The following DPP10 variants were observed in gnomAD, a reference collection of about 807,000 sequenced individuals.
DPP10 encodes the protein dipeptidyl peptidase like 10.
In DPP10, 33 loss-of-function variants were observed where a neutral mutation model predicts 120.9. The ratio of observed to expected loss-of-function variants is 0.27; its 90% CI spans 0.21 to 0.37. The LOEUF is 0.37. Ranked by LOEUF, DPP10 falls within the 10% of genes least tolerant of loss-of-function variation. The probability of loss-of-function intolerance (pLI) is 1.00; values close to 1 mark genes in which losing one functional copy is unlikely to be tolerated. For missense variants in DPP10, 816 were observed against 942.8 expected (o/e 0.87, Z 1.76); for synonymous variants, 337 against 326.1 (o/e 1.03, Z -0.36).
chr2:115,564,086 C>G (rs1358611095), intron 5 of DPP10, among the ~76,000 whole-genome samples: 3 of 152,070 alleles, frequency 2.0e-5, no homozygotes, highest in African/African-American at 4.8e-5. Flanking sequence ...CTTTTAATTA[C>G]TTTTACAGAG....
At chr2:115,179,096 A>G (rs2053900123) in intron 1 of DPP10, among the ~76,000 whole-genome samples, 1 of 152,230 alleles carries the variant, frequency 6.6e-6, no homozygotes. Flanking sequence ...TGCAGATTTT[A>G]ATAAGTTGAA....
chr2:114,674,248 C>T (rs933353910), intron 1 of DPP10, among the ~76,000 whole-genome samples: 1 of 151,728 alleles, frequency 6.6e-6, no homozygotes, highest in African/African-American at 2.4e-5. Flanking sequence ...ATAATATATA[C>T]ATATATATCC....
At chr2:114,907,391 G>A (rs1010220063) in intron 1 of DPP10, among the ~76,000 whole-genome samples, 27 of 151,856 alleles carry the variant, frequency 1.8e-4, no homozygotes, top group African/African-American at 6.5e-4. Flanking sequence ...GAAAAATAAC[G>A]CTATTTAGTT....
intron 1 of DPP10, among the ~76,000 whole-genome samples, chr2:115,015,610 T>C (rs1219453020): frequency 6.6e-6 from 1 of 152,176 alleles, no homozygotes; most frequent in East Asian, 1.9e-4. Flanking sequence ...CCCCATCATC[T>C]CAGCCCAAAA....
intron 1 of DPP10, among the ~76,000 whole-genome samples, chr2:115,302,131 G>T (rs369016506): frequency 1.3e-5 from 2 of 151,872 alleles, no homozygotes; most frequent in South Asian, 4.2e-4. Flanking sequence ...GTGAGTGAAG[G>T]GGGAAGTGCC....
intron 5 of DPP10, among the ~76,000 whole-genome samples, chr2:115,566,897 C>A (rs2081040505): frequency 6.6e-6 from 1 of 152,106 alleles, no homozygotes; most frequent in Admixed American, 6.6e-5. Context: ...ATTTTGCCAT[C>A]ATCCTTTCTG....
chr2:114,450,469 C>G (rs1678200187), intron 1 of DPP10, among the ~76,000 whole-genome samples: 1 of 151,660 alleles, frequency 6.6e-6, no homozygotes, highest in Non-Finnish European at 1.5e-5. Context: ...ATCCTAATAT[C>G]TGCCACATAG....
chr2:114,989,253 G>A (rs1212119544), intron 1 of DPP10, among the ~76,000 whole-genome samples: 1 of 152,134 alleles, frequency 6.6e-6, no homozygotes, highest in African/African-American at 2.4e-5. Flanking sequence ...ATTGTCATCA[G>A]GGGTCTATGC....
At chr2:115,593,922 AC>A (rs1425905912) in intron 5 of DPP10, among the ~76,000 whole-genome samples, 1 of 152,040 alleles carries the variant, frequency 6.6e-6, no homozygotes, top group African/African-American at 2.4e-5. Flanking sequence ...ACTTTTAAAA[AC>A]CTTTCAAGCC....
intron 1 of DPP10, among the ~76,000 whole-genome samples, chr2:114,741,272 A>C (rs1168847100): frequency 6.6e-6 from 1 of 152,202 alleles, no homozygotes; most frequent in Non-Finnish European, 1.5e-5. Flanking sequence ...TCTGCCTATC[A>C]GAAGAAAGAT....
chr2:115,137,882 C>T (rs1221904988), intron 1 of DPP10, among the ~76,000 whole-genome samples: 6 of 152,162 alleles, frequency 3.9e-5, no homozygotes, highest in African/African-American at 1.4e-4. Flanking sequence ...GAGACTTAGG[C>T]TGCCAGTATT....
intron 1 of DPP10, among the ~76,000 whole-genome samples, chr2:114,733,666 CCCTT>C (rs1187178920): frequency 1.3e-5 from 2 of 151,972 alleles, no homozygotes; most frequent in Non-Finnish European, 2.9e-5. Context: ...GCATTCTGAC[CCCTT>C]CCTTTATGTT....
chr2:115,612,574 G>T (rs1205268100), intron 5 of DPP10, among the ~76,000 whole-genome samples: 3 of 152,054 alleles, frequency 2.0e-5, no homozygotes, highest in Non-Finnish European at 2.9e-5. Context: ...ATATAGTGAC[G>T]TGTTCTGCCA....
rs569867175 is a variant in DPP10, at chr2:114,834,734, C to T, written c.60+391896C>T. Among the ~76,000 whole-genome samples, 20 of 137,254 alleles carry T rather than the reference C, an allele frequency of 1.5e-4. 6 individuals carry two copies. The highest frequency in any genetic ancestry group is 5.2e-4 in the South Asian group (2 of 3,830). 90.0% of individuals were successfully genotyped at this position (137,254 alleles called of 152,430 possible). A position where few individuals can be genotyped will look rare whatever the true frequency, so the allele number is the denominator to read the frequency against. On this transcript the variant is annotated intron_variant, in intron 1 of 25. Transcript: ENST00000410059. ...CCTATGTATATATAAGCCATGTCTACGCACCTATGTATATATAAGCCATGT... is the reference window on the plus strand; with the variant it reads ...CCTATGTATATATAAGCCATGTCTATGCACCTATGTATATATAAGCCATGT...
At chr2:115,479,793 A>G (rs998623134) in intron 3 of DPP10, among the ~76,000 whole-genome samples, 1 of 152,080 alleles carries the variant, frequency 6.6e-6, no homozygotes, top group African/African-American at 2.4e-5. Flanking sequence ...TTGGGTGTGC[A>G]CCAGTCTGGT....
intron 5 of DPP10, among the ~76,000 whole-genome samples, chr2:115,601,375 C>G (rs2083310520): frequency 6.6e-6 from 1 of 152,140 alleles, no homozygotes; most frequent in Non-Finnish European, 1.5e-5. Flanking sequence ...ACTCTTGTAA[C>G]AGCACAACAC....
intron 1 of DPP10, among the ~76,000 whole-genome samples, chr2:114,497,246 T>C (rs1165579314): frequency 9.3e-6 from 1 of 106,966 alleles, no homozygotes; most frequent in Non-Finnish European, 2.1e-5. Context: ...TATACATGTG[T>C]ATGCATGTAC....
intron 5 of DPP10, among the ~76,000 whole-genome samples, chr2:115,649,482 AT>A (rs1357873653): frequency 2.6e-5 from 4 of 151,998 alleles, no homozygotes; most frequent in African/African-American, 9.7e-5. Flanking sequence ...TTTTATGATG[AT>A]TTGTACATAA....
intron 3 of DPP10, among the ~76,000 whole-genome samples, chr2:115,434,535 A>G (rs2071300896): frequency 6.6e-6 from 1 of 151,892 alleles, no homozygotes; most frequent in Non-Finnish European, 1.5e-5. Flanking sequence ...TTTTAAAAAA[A>G]ATAATTTTCA....
Sources: allele counts gnomAD v4.1 joint callset (sites outside exome capture counted in the v4.1 genomes callset), GRCh38; gene constraint gnomAD v4.1.1; transcripts MANE v1.5; gene names NCBI Gene and HGNC (gene_info 2026-07-23, HGNC 2026-07-21).